NPAT: variants seen among roughly 807,000 people sequenced by gnomAD.
The protein encoded by NPAT is protein NPAT.
NPAT carries 52 observed loss-of-function variants against 130.7 expected under a neutral mutation model. That is an observed-to-expected ratio of 0.40 (90% CI 0.32 to 0.50). The LOEUF is 0.50. NPAT is among the 20% of genes least tolerant of loss of function. NPAT has a pLI of 0.68. For missense variants in NPAT, 1,687 were observed against 1,662.6 expected, an observed-to-expected ratio of 1.01 and a Z score of -0.26; for synonymous variants, 580 against 584.8, an observed-to-expected ratio of 0.99 and a Z score of 0.12.
Position 108,159,025 on chromosome 11 carries a change from G to T in NPAT, c.4207-6C>A. ...GAACTGGGAAGCTTCTTTTTCTGTT[G>T]AAAAAGAGAAAGAAAAAATAAACTC... is the stretch of plus-strand genomic sequence containing the variant. On this transcript the variant is annotated splice_polypyrimidine_tract_variant and splice_region_variant and intron_variant, in intron 17 of 17. Coordinates refer to ENST00000278612, the MANE Select transcript of NPAT (RefSeq NM_002519.3). 1.3e-6 allele frequency: 2 copies of T among 1,589,584 alleles called. No homozygotes were observed. The highest frequency in any genetic ancestry group is 1.1e-5 in the South Asian group (1 of 90,538).
At chr11:108,198,246 A>G (rs989510597) in intron 1 of NPAT, among the ~76,000 whole-genome samples, 1 of 152,218 alleles carries the variant, frequency 6.6e-6, no homozygotes, top group African/African-American at 2.4e-5. Context: ...GTCACATTAT[A>G]TTATTTAAAA....
rs1016525990 is a variant in NPAT at position 108,177,782 on chromosome 11, G to A, written c.907-692C>T. 5.3e-5 allele frequency among the ~76,000 whole-genome samples: 8 copies of A among 152,002 alleles called. 1 individual carries two copies. The highest frequency in any genetic ancestry group is 1.5e-4 in the African/African-American group (6 of 41,366). ...CCAAGCTGGAGTGGAATGCAGTGGC[G>A]CAATCACAGTTCACTGCAGCCTTGA... On this transcript the variant is annotated intron_variant, in intron 10 of 17. Coordinates refer to ENST00000278612, the MANE Select transcript of NPAT (RefSeq NM_002519.3).
At chr11:108,197,633 T>C (rs531141119) in intron 1 of NPAT, among the ~76,000 whole-genome samples, 4 of 152,340 alleles carry the variant, frequency 2.6e-5, no homozygotes, top group East Asian at 1.9e-4. Context: ...GAAACAATTC[T>C]AGCTAAACTA....
Position 108,207,238 on chromosome 11 carries a change from G to C in NPAT, c.38-9818C>G, listed in dbSNP as rs76679008. On this transcript the variant is annotated intron_variant, in intron 1 of 17. Transcript: ENST00000278612. Reference sequence around the variant, plus strand: ...TTTTATGGACCTCAAATGGGAGTAAGTATGTGCTGATGGGTCCATGGACAG... The same window carrying C: ...TTTTATGGACCTCAAATGGGAGTAACTATGTGCTGATGGGTCCATGGACAG... 2.5e-3 allele frequency among the ~76,000 whole-genome samples: 376 copies of C among 152,326 alleles called. 3 individuals are homozygous for C. Among genetic ancestry groups the C allele is most frequent in the Admixed American group, 4.1e-3 (63 of 15,308 alleles).
Position 108,169,774 on chromosome 11 carries a change from C to A in NPAT, c.2980G>T (p.Ala994Ser). 6.2e-7 allele frequency: 1 copy of A among 1,613,560 alleles called. No individual in the cohort carries two copies. Among genetic ancestry groups the A allele is most frequent in the Non-Finnish European group, 8.5e-7 (1 of 1,179,542 alleles). Reference protein sequence around the residue: ...QFPVPPKSQKAQGLRNKPCIG... With the variant: ...QFPVPPKSQKSQGLRNKPCIG... ...CAAGGCTTGTTTCTTAGTCCCTGAG[C>A]CTTCTGAGATTTTGGAGGGACGGGG... Residue 994 changes from alanine to serine, a missense_variant, in exon 15 of 18, where the codon GCT (alanine) becomes TCT (serine). Physicochemically the swap from Ala to Ser is moderately conservative, Grantham distance 99 (BLOSUM62 1). Around this residue, in one of 3 missense-constraint regions of NPAT, gnomAD observed 1,379 missense variants for 1,346.6 expected, o/e 1.02. Coordinates refer to ENST00000278612, the MANE Select transcript of NPAT (RefSeq NM_002519.3).
chr11:108,185,396 A>G lies in NPAT; in HGVS notation c.818+7T>C. The G allele has an allele frequency of 6.3e-7, 1 of 1,585,774 alleles. No individual in the cohort carries two copies. Among genetic ancestry groups the G allele is most frequent in the Non-Finnish European group, 8.7e-7 (1 of 1,155,616 alleles). On this transcript the variant is annotated splice_region_variant and intron_variant, in intron 9 of 17. Transcript: ENST00000278612. Reference sequence around the variant, plus strand: ...ACAATTAGGCATTTTAAACATATATAGCTTACCTAGTTAAAAATTTATTTA... The same window carrying G: ...ACAATTAGGCATTTTAAACATATATGGCTTACCTAGTTAAAAATTTATTTA...
In NPAT at chr11:108,192,331, A is replaced by G; in HGVS notation, c.218-141T>C. On this transcript the variant is annotated intron_variant, in intron 3 of 17. Transcript: ENST00000278612. ...ATGAGAAATAAATCTATGTTGTAAA[A>G]TAGCTTGCAAAGCTATAATGCGGTT... The G allele has an allele frequency of 4.3e-6, 3 of 697,514 alleles. No homozygotes were observed. In the South Asian group the frequency reaches 4.6e-5, roughly 11 times the overall value. 43.2% of individuals were successfully genotyped at this position (697,514 alleles called of 1,614,324 possible).
intron 10 of NPAT, among the ~76,000 whole-genome samples, chr11:108,183,671 G>A (rs1051565268): frequency 3.9e-5 from 6 of 152,114 alleles, no homozygotes; most frequent in African/African-American, 1.4e-4. Flanking sequence ...GCGTGGAGGT[G>A]CATGCCTATA....
At position 108,222,611 on chromosome 11, in the gene NPAT, C is replaced by T. The variant is rs184150429; in HGVS notation, c.-75G>A. The T allele has an allele frequency of 3.7e-4, 563 of 1,532,186 alleles. 3 individuals carry two copies. In the African/African-American group the frequency reaches 6.7e-3, roughly 18 times the overall value. The allele number at this position is 1,532,186 out of a possible 1,614,324, so 94.9% of individuals were successfully genotyped here. A position where few individuals can be genotyped will look rare whatever the true frequency, so the allele number is the denominator to read the frequency against. On this transcript the variant is annotated 5_prime_UTR_variant, in exon 1 of 18. Coordinates refer to ENST00000278612, the MANE Select transcript of NPAT (RefSeq NM_002519.3). ...GCAAACACAGCGACAGCTCCTGCGCCGCATCTCCTGGTTCCAGTGGCGGCA... is the reference window on the plus strand; with the variant it reads ...GCAAACACAGCGACAGCTCCTGCGCTGCATCTCCTGGTTCCAGTGGCGGCA...
chr11:108,201,363 C>A (rs1010403527), intron 1 of NPAT, among the ~76,000 whole-genome samples: 1 of 152,172 alleles, frequency 6.6e-6, no homozygotes, highest in African/African-American at 2.4e-5. Context: ...AAAGGAGACT[C>A]AGGCAACTAA....
intron 4 of NPAT, among the ~76,000 whole-genome samples, chr11:108,191,825 G>C (rs1273111691): frequency 5.3e-5 from 8 of 152,022 alleles, no homozygotes; most frequent in Non-Finnish European, 1.0e-4. Flanking sequence ...AATTCACAGT[G>C]GCCTGGGATT....
rs761839481 is a variant in NPAT at position 108,160,977 on chromosome 11, C to T, written c.4109G>A (p.Arg1370Gln). 14 of 1,613,982 alleles carry T rather than the reference C, an allele frequency of 8.7e-6. No individual in the cohort carries two copies. The highest frequency in any genetic ancestry group is 1.7e-5 in the Admixed American group (1 of 59,994). ...ACGTTCATCTAATTCCTCAATTTTC[C>T]GCTTTTTTGTGGTGCTCCTTGAAGA... ...RASSRSTTKKRKIEELDERER... is the reference protein window; with the variant it reads ...RASSRSTTKKQKIEELDERER... Residue 1370 changes from arginine (R) to glutamine (Q), a missense_variant, in exon 17 of 18, where the codon CGG (arginine) becomes CAG (glutamine). Around this residue, in one of 3 missense-constraint regions of NPAT, gnomAD observed 1,379 missense variants for 1,346.6 expected, o/e 1.02. Transcript: ENST00000278612.
At chr11:108,188,069 G>C in intron 7 of NPAT, 29 bp downstream of exon 7, 1 of 1,472,346 alleles carries the variant, frequency 6.8e-7, no homozygotes, top group Non-Finnish European at 9.5e-7. Flanking sequence ...ATGGATACGG[G>C]TAACTTGTCT....
chr11:108,207,131 G>A (rs1442450530), intron 1 of NPAT, among the ~76,000 whole-genome samples: 2 of 152,202 alleles, frequency 1.3e-5, no homozygotes, highest in African/African-American at 2.4e-5. Context: ...CCAGTTCTCG[G>A]TGGAGATGAG....
intron 7 of NPAT, 47 bp from the exon 8 acceptor site, chr11:108,186,616 G>T: frequency 6.9e-7 from 1 of 1,440,300 alleles, no homozygotes; most frequent in African/African-American, 1.4e-5. Context: ...ATATTTAACA[G>T]ATTTAAAGAT....
At position 108,158,485 on chromosome 11, in the gene NPAT, T is replaced by C. The variant is rs2077815669; in HGVS notation, c.*457A>G. On this transcript the variant is annotated 3_prime_UTR_variant, in exon 18 of 18. Transcript: ENST00000278612. Reference sequence around the variant, plus strand: ...TTTGTAGTACTTAGTGATTGTGTATTTAAATGTCTTATTGAATAGTTACTG... The same window carrying C: ...TTTGTAGTACTTAGTGATTGTGTATCTAAATGTCTTATTGAATAGTTACTG... 6.4e-6 allele frequency: 1 copy of C among 157,048 alleles called. No individual in the cohort carries two copies. The highest frequency in any genetic ancestry group is 1.9e-4 in the East Asian group (1 of 5,318). 9.7% of individuals were successfully genotyped at this position (157,048 alleles called of 1,614,324 possible). A position where few individuals can be genotyped will look rare whatever the true frequency, so the allele number is the denominator to read the frequency against.
intron 1 of NPAT, 145 bp downstream of exon 1, chr11:108,222,355 G>T: frequency 1.2e-6 from 1 of 838,082 alleles, no homozygotes; most frequent in Non-Finnish European, 2.0e-6. Context: ...ACCTCCGAAT[G>T]ACGAAGAATC....
intron 15 of NPAT, among the ~76,000 whole-genome samples, chr11:108,166,767 T>G (rs1168525439): frequency 6.6e-6 from 1 of 152,204 alleles, no homozygotes; most frequent in Admixed American, 6.5e-5. Flanking sequence ...GGACTTTTAT[T>G]CTTTCTCATA....
chr11:108,197,512 C>G, intron 1 of NPAT, 92 bp from the exon 2 acceptor site: 4 of 852,638 alleles, frequency 4.7e-6, no homozygotes, highest in Non-Finnish European at 6.1e-6. Context: ...GTACTGATGT[C>G]ACAATTGAAA....
Sources: allele counts gnomAD v4.1 joint callset (sites outside exome capture counted in the v4.1 genomes callset), GRCh38; gene constraint gnomAD v4.1.1; regional missense constraint gnomAD v4.1.1; transcripts MANE v1.5; gene names NCBI Gene and HGNC (gene_info 2026-07-23, HGNC 2026-07-21).